KLF12: variants seen among roughly 807,000 people sequenced by gnomAD.
KLF12 encodes KLF transcription factor 12, also known as Krueppel-like factor 12.
Under a neutral mutation model 37.8 loss-of-function variants are expected in KLF12, and 9 were observed. The ratio of observed to expected loss-of-function variants is 0.24; its 90% confidence interval spans 0.14 to 0.42. The LOEUF (loss-of-function observed/expected upper bound fraction) is 0.42. Among genes scored for constraint, KLF12 ranks in the 10% least tolerant of loss-of-function variants. The pLI is 1.00. For synonymous variants in KLF12, 208 were observed against 202.1 expected (o/e 1.03, Z -0.25); for missense variants, 411 against 516.0 (o/e 0.80, Z 1.97).
intron 4 of KLF12, among the ~76,000 whole-genome samples, chr13:73,841,785 C>T (rs1228504588): frequency 2.6e-5 from 4 of 152,114 alleles, no homozygotes; most frequent in African/African-American, 9.7e-5. Flanking sequence ...GTGGGAACCC[C>T]GCACCTCCCA....
intron 3 of KLF12, among the ~76,000 whole-genome samples, chr13:73,920,327 T>C (rs1241649783): frequency 6.6e-6 from 1 of 152,134 alleles, no homozygotes; most frequent in African/African-American, 2.4e-5. Context: ...TGGTTGTGTC[T>C]TCATACATTT....
At chr13:74,029,311 G>C (rs1232901757) in intron 1 of KLF12, among the ~76,000 whole-genome samples, 1 of 151,822 alleles carries the variant, frequency 6.6e-6, no homozygotes, top group Non-Finnish European at 1.5e-5. Flanking sequence ...TTTTTTATCT[G>C]TTGTTGAAAT....
the KLF12 span, among the ~76,000 whole-genome samples, chr13:74,276,233 G>A: frequency 3.3e-5 from 5 of 151,842 alleles, no homozygotes; most frequent in African/African-American, 1.2e-4. Flanking sequence ...GTGGTGTTTG[G>A]TTTTCTGTTC....
intron 5 of KLF12, among the ~76,000 whole-genome samples, chr13:73,778,852 T>C (rs1394772809): frequency 6.6e-6 from 1 of 152,190 alleles, no homozygotes; most frequent in Non-Finnish European, 1.5e-5. Context: ...AACACCTTAC[T>C]TTGTTTATTT....
intron 7 of KLF12, among the ~76,000 whole-genome samples, chr13:73,712,649 T>A (rs578255193): frequency 1.3e-5 from 2 of 152,222 alleles, no homozygotes; most frequent in Non-Finnish European, 2.9e-5. Context: ...AAATCTTCTA[T>A]GAAATAAGAG....
intron 2 of KLF12, among the ~76,000 whole-genome samples, chr13:73,985,374 C>T (rs917769510): frequency 2.0e-5 from 3 of 152,176 alleles, no homozygotes; most frequent in African/African-American, 7.2e-5. Context: ...AAAAAGGACA[C>T]TCAACTCTCA....
At chr13:74,152,873 G>T in the KLF12 span, among the ~76,000 whole-genome samples, 6 of 144,506 alleles carry the variant, frequency 4.2e-5, no homozygotes, top group African/African-American at 1.6e-4. Flanking sequence ...GACAGAGTGA[G>T]ACCCCATTAC....
chr13:73,832,420 G>C (rs1448227916), intron 4 of KLF12, among the ~76,000 whole-genome samples: 1 of 152,124 alleles, frequency 6.6e-6, no homozygotes, highest in African/African-American at 2.4e-5. Flanking sequence ...CTGTTTAAAA[G>C]GTCTCTGTGT....
At chr13:73,774,398 T>G (rs1256968755) in intron 5 of KLF12, among the ~76,000 whole-genome samples, 4 of 151,732 alleles carry the variant, frequency 2.6e-5, no homozygotes, top group African/African-American at 9.7e-5. Flanking sequence ...AAGAAAAGCT[T>G]TGGCCCTACA....
At chr13:73,731,342 A>T (rs1045701307) in intron 6 of KLF12, among the ~76,000 whole-genome samples, 2 of 152,174 alleles carry the variant, frequency 1.3e-5, no homozygotes, top group African/African-American at 2.4e-5. Flanking sequence ...ACAACCGAGT[A>T]GCACTTTCAT....
rs145039275 is a variant in KLF12, at chr13:73,965,621, A to T, written c.34-21551T>A. ...GCAGTGATAACGTGGAGGCTGACTT[A>T]GCATCCCAAGGGCAGATGCAGACAA... On this transcript the variant is annotated intron_variant, in intron 2 of 7. Transcript: ENST00000377669. Among the ~76,000 whole-genome samples the T allele has an allele frequency of 6.6e-5, 10 of 152,306 alleles. No individual in the cohort carries two copies. In the East Asian group the frequency reaches 1.9e-3, roughly 29 times the overall value.
chr13:74,305,254 A>G, the KLF12 span, among the ~76,000 whole-genome samples: 17 of 152,098 alleles, frequency 1.1e-4, no homozygotes, highest in Non-Finnish European at 2.4e-4. Context: ...AAAGTGCTAT[A>G]TTTCCGTTGC....
At chr13:73,896,626 C>T (rs1468786093) in intron 3 of KLF12, among the ~76,000 whole-genome samples, 1 of 152,178 alleles carries the variant, frequency 6.6e-6, no homozygotes, top group Non-Finnish European at 1.5e-5. Flanking sequence ...TTCATTTCTT[C>T]TTTGAAGCAT....
chr13:73,856,810 G>A (rs1885636449), intron 3 of KLF12, among the ~76,000 whole-genome samples: 1 of 151,960 alleles, frequency 6.6e-6, no homozygotes, highest in South Asian at 2.1e-4. Context: ...TCAACATGGT[G>A]AAACCGTCTC....
the KLF12 span, among the ~76,000 whole-genome samples, chr13:74,261,160 TA>T: frequency 3.9e-5 from 6 of 152,152 alleles, no homozygotes; most frequent in African/African-American, 1.4e-4. Context: ...AAGAGATCAA[TA>T]TGTATTAAAA....
intron 1 of KLF12, among the ~76,000 whole-genome samples, chr13:74,041,123 C>T (rs1396547146): frequency 1.3e-5 from 2 of 152,192 alleles, no homozygotes; most frequent in Non-Finnish European, 2.9e-5. Flanking sequence ...CTTATACACA[C>T]CTTTCCTCCT....
chr13:73,939,269 T>C (rs1340359702), intron 3 of KLF12, among the ~76,000 whole-genome samples: 3 of 152,212 alleles, frequency 2.0e-5, no homozygotes, highest in Non-Finnish European at 4.4e-5. Flanking sequence ...TGCACCTATG[T>C]AGTTTTCAAA....
At chr13:73,962,591 A>G (rs1891053135) in intron 2 of KLF12, among the ~76,000 whole-genome samples, 1 of 152,138 alleles carries the variant, frequency 6.6e-6, no homozygotes, top group Admixed American at 6.5e-5. Flanking sequence ...GATGAGGGGT[A>G]GATGGGAACT....
chr13:74,273,219 TTTTG>T, the KLF12 span, among the ~76,000 whole-genome samples: 4 of 152,142 alleles, frequency 2.6e-5, no homozygotes, highest in Non-Finnish European at 5.9e-5. Context: ...CAATGCCAGA[TTTTG>T]TTTGTTTGAA....
Sources: allele counts gnomAD v4.1 joint callset (sites outside exome capture counted in the v4.1 genomes callset), GRCh38; gene constraint gnomAD v4.1.1; transcripts MANE v1.5; gene names NCBI Gene and HGNC (gene_info 2026-07-23, HGNC 2026-07-21).